The following L3MBTL3 variants were observed in gnomAD, a reference collection of about 807,000 sequenced individuals.
L3MBTL3 encodes L3MBTL histone methyl-lysine binding protein 3, also known as lethal(3)malignant brain tumor-like protein 3.
In L3MBTL3, 27 loss-of-function variants were observed where a neutral mutation model predicts 102.3. The ratio of observed to expected loss-of-function variants is 0.26; its 90% CI spans 0.19 to 0.36. L3MBTL3 has a LOEUF of 0.36. Among genes scored for constraint, L3MBTL3 ranks in the 10% least tolerant of loss-of-function variants. The pLI is 1.00. For missense variants in L3MBTL3, 798 were observed against 955.3 expected (o/e 0.84, Z 2.17); for synonymous variants, 340 against 320.9 (o/e 1.06, Z -0.64).
In L3MBTL3 at chr6:130,092,773, A is replaced by G. The variant is rs754595554; in HGVS notation, c.1547A>G (p.Tyr516Cys). 5.6e-6 allele frequency: 9 copies of G among 1,612,828 alleles called. No homozygotes were observed. The highest frequency in any genetic ancestry group is 1.7e-4 in the Middle Eastern group (1 of 6,056). The change falls in exon 17 of 23, where the codon TAT (tyrosine) becomes TGT (cysteine). Residue 516 changes from tyrosine (Y) to cysteine (C), a missense_variant. Around this residue, in one of 4 missense-constraint regions of L3MBTL3, gnomAD observed 306 missense variants for 314.4 expected, o/e 0.97. Transcript: ENST00000361794. Reference protein sequence around the residue: ...KVHFDGWNNCYDYWIDADSPD... With the variant: ...KVHFDGWNNCCDYWIDADSPD... ...CACTTTGATGGCTGGAACAATTGCTATGATTACTGGATAGATGCAGATTCT... is the reference window on the plus strand; with the variant it reads ...CACTTTGATGGCTGGAACAATTGCTGTGATTACTGGATAGATGCAGATTCT...
At chr6:130,057,971 G>A (rs1443594107) in intron 9 of L3MBTL3, among the ~76,000 whole-genome samples, 4 of 150,566 alleles carry the variant, frequency 2.7e-5, no homozygotes, top group African/African-American at 9.8e-5. Context: ...GTGAAACCCC[G>A]TCTCTACTAA....
intron 18 of L3MBTL3, among the ~76,000 whole-genome samples, chr6:130,103,171 TATATC>T (rs1238801855): frequency 2.0e-5 from 3 of 152,250 alleles, no homozygotes; most frequent in Non-Finnish European, 2.9e-5. Flanking sequence ...CAGTGCTTGA[TATATC>T]ATAAGTGCTC....
At chr6:130,128,009 CT>C (rs1786728180) in intron 20 of L3MBTL3, among the ~76,000 whole-genome samples, 1 of 152,050 alleles carries the variant, frequency 6.6e-6, no homozygotes, top group African/African-American at 2.4e-5. Flanking sequence ...GTACAAAATA[CT>C]TTGTAACCTG....
In L3MBTL3 at chr6:130,094,280, T is replaced by C; in HGVS notation, c.1649T>C (p.Met550Thr). 1 of 1,613,512 alleles carries C rather than the reference T, an allele frequency of 6.2e-7. No individual in the cohort carries two copies. The highest frequency in any genetic ancestry group is 8.5e-7 in the Non-Finnish European group (1 of 1,179,634). ...TCTTTCATAGGCCCCTTAGAATTAA[T>C]GGAAGCTTCAGAACATGGTGGATGC... ...LQPPLSPLEL[M>T]EASEHGGCST... The change falls in exon 18 of 23, where the codon ATG (methionine) becomes ACG (threonine). Residue 550 changes from methionine (M) to threonine (T), a missense_variant. Transcript: ENST00000361794.
chr6:130,133,826 GAT>G lies in L3MBTL3; in HGVS notation c.2137-14_2137-13del, dbSNP rs1787323142. 1.2e-6 allele frequency: 2 copies of G among 1,605,422 alleles called. No homozygotes were observed. The highest frequency in any genetic ancestry group is 1.7e-6 in the Non-Finnish European group (2 of 1,172,414). ...ACTGTGTTTTTTAACTGGGAATTTT[GAT>G]ATTGCTTTTGACAGGTGTCAGAATT... On this transcript the variant is annotated splice_polypyrimidine_tract_variant and intron_variant, in intron 21 of 22. Coordinates refer to ENST00000361794, the MANE Select transcript of L3MBTL3 (RefSeq NM_032438.4). This position sits in a 1 kb window ranked among gnomAD's most constrained non-coding sequence, Gnocchi z 4.9.
At chr6:130,121,611 C>T (rs1163907166) in intron 20 of L3MBTL3, among the ~76,000 whole-genome samples, 1 of 152,076 alleles carries the variant, frequency 6.6e-6, no homozygotes. Context: ...CCTTGTCACA[C>T]ATTTTCTTTA....
intron 13 of L3MBTL3, 107 bp downstream of exon 13, chr6:130,071,234 G>A: frequency 1.0e-6 from 1 of 974,654 alleles, no homozygotes; most frequent in Non-Finnish European, 1.5e-6. Context: ...GCAGTGTTCT[G>A]CCCCACTTTT....
intron 19 of L3MBTL3, among the ~76,000 whole-genome samples, chr6:130,117,498 G>A (rs1051161082): frequency 1.3e-5 from 2 of 152,046 alleles, no homozygotes; most frequent in African/African-American, 4.8e-5. Flanking sequence ...TTGGCATTCT[G>A]ATATAATCAT....
rs1318150867 is a variant in L3MBTL3, at chr6:130,057,394, C to G, written c.668-12C>G. 2.5e-6 allele frequency: 4 copies of G among 1,597,730 alleles called. No homozygotes were observed. The East Asian group carries it at 6.7e-5, about 27-fold the overall frequency. ...TGGAAATTCTGTCATTTCCGTCTTG[C>G]TTGCCTTTCAGGTTTGCCTCCTAAA... On this transcript the variant is annotated splice_polypyrimidine_tract_variant and intron_variant, in intron 8 of 22. Transcript: ENST00000361794.
chr6:130,052,918 G>A lies in L3MBTL3; in HGVS notation c.509G>A (p.Ser170Asn). ...EDNEEEDPKCSRKKKPKLSLK... is the reference protein window; with the variant it reads ...EDNEEEDPKCNRKKKPKLSLK... ...AATGAGGAAGAAGATCCTAAGTGTA[G>A]TCGGAAGAAAAAACCAAAATTATCT... The change falls in exon 7 of 23, where the codon AGT becomes AAT. Residue 170 changes from serine to asparagine, a missense_variant. Transcript: ENST00000361794. The A allele has an allele frequency of 6.2e-7, 1 of 1,614,066 alleles. No individual in the cohort carries two copies. The highest frequency in any genetic ancestry group is 8.5e-7 in the Non-Finnish European group (1 of 1,179,904).
intron 19 of L3MBTL3, among the ~76,000 whole-genome samples, chr6:130,109,599 G>T (rs538076649): frequency 3.7e-4 from 56 of 152,232 alleles, no homozygotes; most frequent in African/African-American, 1.3e-3. Context: ...ATAGATTCTG[G>T]ATCTTAGACC....
intron 19 of L3MBTL3, among the ~76,000 whole-genome samples, chr6:130,113,365 T>A (rs146197601): frequency 6.6e-6 from 1 of 152,214 alleles, no homozygotes; most frequent in African/African-American, 2.4e-5. Flanking sequence ...GGGGTAATAC[T>A]TCACAATGTG....
At chr6:130,095,271 C>T (rs769214922) in intron 18 of L3MBTL3, among the ~76,000 whole-genome samples, 57 of 152,066 alleles carry the variant, frequency 3.7e-4, no homozygotes, top group Non-Finnish European at 7.6e-4. Context: ...GTACCTGTTC[C>T]TCCAAGTATT....
intron 5 of L3MBTL3, 56 bp downstream of exon 5, chr6:130,049,886 T>A: frequency 1.9e-6 from 3 of 1,557,074 alleles, no homozygotes; most frequent in Non-Finnish European, 2.6e-6. Flanking sequence ...CTTTCTCCCC[T>A]CCCCACAAAC....
rs775950437 is a variant in L3MBTL3 at position 130,078,547 on chromosome 6, G to A, written c.1245-11G>A. On this transcript the variant is annotated splice_polypyrimidine_tract_variant and intron_variant, in intron 13 of 22. Transcript: ENST00000361794. ...TGATAATTGCAGTTTTTTAATTTGT[G>A]TAACTTTCAGGTGTGAAGCATCAAG... The A allele has an allele frequency of 6.3e-7, 1 of 1,598,166 alleles. No individual in the cohort carries two copies. Among genetic ancestry groups the A allele is most frequent in the South Asian group, 1.1e-5 (1 of 89,426 alleles).
chr6:130,083,551 G>A, intron 14 of L3MBTL3, 69 bp from the exon 15 acceptor site: 2 of 649,324 alleles, frequency 3.1e-6, no homozygotes, highest in South Asian at 4.0e-5. Context: ...TATAATTTTT[G>A]TTGGACAGTT....
At chr6:130,137,493 G>A (rs1562348987) in intron 22 of L3MBTL3, 2 of 152,160 alleles carry the variant, frequency 1.3e-5, no homozygotes, top group South Asian at 4.1e-4. Flanking sequence ...AAAGAGTTTG[G>A]AAGTAGCCTC....
chr6:130,110,908 G>A (rs1336547260), intron 19 of L3MBTL3, among the ~76,000 whole-genome samples: 1 of 152,138 alleles, frequency 6.6e-6, no homozygotes, highest in Non-Finnish European at 1.5e-5. Flanking sequence ...GTTAAGCTTT[G>A]AATAGATTGC....
At chr6:130,068,495 G>A (rs779520140) in intron 12 of L3MBTL3, 74 bp downstream of exon 12, 79 of 741,044 alleles carry the variant, frequency 1.1e-4, no homozygotes, top group Non-Finnish European at 1.6e-4. Flanking sequence ...AATTACAAGT[G>A]ATAACAAGGA....
Sources: allele counts gnomAD v4.1 joint callset (sites outside exome capture counted in the v4.1 genomes callset), GRCh38; gene constraint gnomAD v4.1.1; regional missense constraint gnomAD v4.1.1; non-coding constraint Gnocchi (gnomAD v3.1); transcripts MANE v1.5; gene names NCBI Gene and HGNC (gene_info 2026-07-23, HGNC 2026-07-21).